The following SRC variants were observed in gnomAD, a reference collection of about 807,000 sequenced individuals.
SRC encodes the protein SRC proto-oncogene, non-receptor tyrosine kinase.
A neutral mutation model predicts 62.9 loss-of-function variants in SRC; 13 were observed. That is an observed-to-expected ratio of 0.21 (90% CI 0.13 to 0.33). The LOEUF (loss-of-function observed/expected upper bound fraction) is 0.33, where lower values mean the gene tolerates loss of function less well. Among genes scored for constraint, SRC ranks in the 10% least tolerant of loss-of-function variants. The probability of loss-of-function intolerance (pLI) is 1.00; values close to 1 mark genes in which losing one functional copy is unlikely to be tolerated. For synonymous variants in SRC, 302 were observed against 317.5 expected (o/e 0.95, Z 0.52); for missense variants, 457 against 737.3 (o/e 0.62, Z 4.40).
chr20:37,384,885 G>T lies in SRC; in HGVS notation c.250+482G>T, dbSNP rs2070427907. Among the ~76,000 whole-genome samples the T allele has an allele frequency of 6.6e-6, 1 of 152,200 alleles. No individual in the cohort carries two copies. Among genetic ancestry groups the T allele is most frequent in the South Asian group, 2.1e-4 (1 of 4,830 alleles). ...CTGCTGGCGCTCTGCGGTCACCGCA[G>T]CCCCGGAGAGGGCCGTTTTGGAGAG... On this transcript the variant is annotated intron_variant, in intron 4 of 13. Coordinates refer to ENST00000373578, the MANE Select transcript of SRC (RefSeq NM_198291.3). The surrounding 1 kb of genome is among the most constrained non-coding windows in gnomAD (Gnocchi z 6.7).
chr20:37,349,005 G>C (rs1268065749), intron 1 of SRC, among the ~76,000 whole-genome samples: 2 of 152,188 alleles, frequency 1.3e-5, no homozygotes, highest in African/African-American at 4.8e-5. Context: ...GAGGTAGAAT[G>C]AGGGGGTGTA....
At chr20:37,346,485 G>C (rs111597289) in intron 1 of SRC, among the ~76,000 whole-genome samples, 13 of 152,050 alleles carry the variant, frequency 8.5e-5, no homozygotes, top group Middle Eastern at 3.4e-3. Flanking sequence ...GGGCTGGGCG[G>C]GGGGGGCGCA....
Position 37,403,082 on chromosome 20 carries a change from C to T in SRC, c.1403-89C>T. On this transcript the variant is annotated intron_variant, in intron 13 of 13. Coordinates refer to ENST00000373578, the MANE Select transcript of SRC (RefSeq NM_198291.3). This position sits in a 1 kb window ranked among gnomAD's most constrained non-coding sequence, Gnocchi z 7.1. ...ATGGTCACTCCCAACCTGTCCTAGG[C>T]AGGAAGCCCTCGCTGCCCTCCCCAT... is the stretch of plus-strand genomic sequence containing the variant. 1 of 1,395,404 alleles carries T rather than the reference C, an allele frequency of 7.2e-7. No individual in the cohort carries two copies. The highest frequency in any genetic ancestry group is 9.6e-7 in the Non-Finnish European group (1 of 1,042,404). The allele number at this position is 1,395,404 out of a possible 1,614,324, so 86.4% of individuals were successfully genotyped here. A position where few individuals can be genotyped will look rare whatever the true frequency, so the allele number is the denominator to read the frequency against.
intron 2 of SRC, among the ~76,000 whole-genome samples, chr20:37,368,749 C>T (rs917045303): frequency 3.3e-5 from 5 of 151,510 alleles, no homozygotes; most frequent in Admixed American, 3.3e-4. Context: ...GACGGGGTTT[C>T]ACCGTTTTAG....
At chr20:37,392,114 C>T (rs1332330058) in intron 5 of SRC, among the ~76,000 whole-genome samples, 5 of 152,066 alleles carry the variant, frequency 3.3e-5, no homozygotes, top group Admixed American at 6.5e-5. Flanking sequence ...TCCTTACTCC[C>T]GGGCCCTCCC....
rs544237425 is a variant in SRC at position 37,386,522 on chromosome 20, C to T, written c.350+348C>T. 3.1e-4 allele frequency: 144 copies of T among 458,716 alleles called. 2 individuals are homozygous for T. The highest frequency in any genetic ancestry group is 2.3e-3 in the Middle Eastern group (7 of 2,992). 28.4% of individuals were successfully genotyped at this position (458,716 alleles called of 1,614,324 possible). Reference sequence around the variant, plus strand: ...GCGGCGGGCTGGGCGGGGTGCTTCGCGGGGGGTGGGGGCTGCTGTCTGCAT... The same window carrying T: ...GCGGCGGGCTGGGCGGGGTGCTTCGTGGGGGGTGGGGGCTGCTGTCTGCAT... On this transcript the variant is annotated intron_variant, in intron 5 of 13. Transcript: ENST00000373578.
intron 1 of SRC, among the ~76,000 whole-genome samples, chr20:37,350,819 G>C (rs372148730): frequency 2.0e-4 from 30 of 152,214 alleles, no homozygotes; most frequent in African/African-American, 6.5e-4. Flanking sequence ...GCTCAGTGTT[G>C]GCTTCATGGG....
chr20:37,388,870 GT>G (rs907012279), intron 5 of SRC, among the ~76,000 whole-genome samples: 1 of 152,128 alleles, frequency 6.6e-6, no homozygotes, highest in Non-Finnish European at 1.5e-5. Context: ...AGGTGTTTGA[GT>G]CTCACACCTC....
chr20:37,383,713 CT>C (rs1168658052), intron 3 of SRC: 2 of 168,068 alleles, frequency 1.2e-5, no homozygotes, highest in African/African-American at 4.8e-5. Flanking sequence ...GCTGGTGCCC[CT>C]GTCCCCCATT....
At chr20:37,359,291 G>C (rs1261917024) in intron 1 of SRC, among the ~76,000 whole-genome samples, 1 of 152,272 alleles carries the variant, frequency 6.6e-6, no homozygotes, top group Admixed American at 6.5e-5. Context: ...TAGAGCTGCA[G>C]ATAGCAAGGA....
chr20:37,384,248 T>G lies in SRC; in HGVS notation c.95T>G (p.Phe32Cys). 2 of 1,563,426 alleles carry G rather than the reference T, an allele frequency of 1.3e-6. No homozygotes were observed. The highest frequency in any genetic ancestry group is 1.7e-6 in the Non-Finnish European group (2 of 1,163,714). Residue 32 changes from phenylalanine (F) to cysteine (C), a missense_variant, in exon 4 of 14, where the codon TTC (phenylalanine) becomes TGC (cysteine). Phe to Cys is a radical substitution (Grantham distance 205, BLOSUM62 -2). Coordinates refer to ENST00000373578, the MANE Select transcript of SRC (RefSeq NM_198291.3). The surrounding 1 kb of genome is among the most constrained non-coding windows in gnomAD (Gnocchi z 6.7). ...GTGCACGGCGCTGGCGGGGGCGCTTTCCCCGCCTCGCAGACCCCCAGCAAG... is the reference window on the plus strand; with the variant it reads ...GTGCACGGCGCTGGCGGGGGCGCTTGCCCCGCCTCGCAGACCCCCAGCAAG... ...ENVHGAGGGA[F>C]PASQTPSKPA...
chr20:37,394,084 G>C (rs1454136010), intron 6 of SRC, 90 bp from the exon 7 acceptor site: 1 of 1,559,146 alleles, frequency 6.4e-7, no homozygotes, highest in Admixed American at 1.7e-5. Flanking sequence ...AGGTCTGGCT[G>C]TCCAGCGCCC....
At chr20:37,399,950 C>T (rs755742827) in intron 9 of SRC, among the ~76,000 whole-genome samples, 165 bp from the exon 10 acceptor site, 11 of 152,226 alleles carry the variant, frequency 7.2e-5, no homozygotes, top group Non-Finnish European at 1.6e-4. Flanking sequence ...ACCCATTGTA[C>T]AGATGGGGAG....
intron 2 of SRC, among the ~76,000 whole-genome samples, chr20:37,377,342 T>C (rs2070293255): frequency 6.6e-6 from 1 of 152,128 alleles, no homozygotes; most frequent in African/African-American, 2.4e-5. Context: ...CACAAGAAAA[T>C]GTAGCTACTA....
Position 37,379,942 on chromosome 20 carries a change from TAA to T in SRC, c.-172-2653_-172-2652del, listed in dbSNP as rs57772720. Among the ~76,000 whole-genome samples the T allele has an allele frequency of 7.7e-3, 397 of 51,330 alleles. 7 individuals carry two copies. Among genetic ancestry groups the T allele is most frequent in the African/African-American group, 0.023 (379 of 16,650 alleles). 33.7% of individuals were successfully genotyped at this position (51,330 alleles called of 152,430 possible). The stretch of plus-strand genomic sequence containing the variant: ...AGAAAAAGAACGAGAGAGCTTGGAG[TAA>T]AAAAAAAAAAAAAAAAAAAAAAAGG... On this transcript the variant is annotated intron_variant, in intron 2 of 13. Coordinates refer to ENST00000373578, the MANE Select transcript of SRC (RefSeq NM_198291.3).
In SRC at chr20:37,386,523, G is replaced by C. The variant is rs186384945; in HGVS notation, c.350+349G>C. 3.9e-4 allele frequency: 276 copies of C among 708,674 alleles called. 1 individual carries two copies. In the Middle Eastern group the frequency reaches 4.6e-3, roughly 12 times the overall value. The allele number at this position is 708,674 out of a possible 1,614,324, so 43.9% of individuals were successfully genotyped here. On this transcript the variant is annotated intron_variant, in intron 5 of 13. Transcript: ENST00000373578. ...CGGCGGGCTGGGCGGGGTGCTTCGC[G>C]GGGGGTGGGGGCTGCTGTCTGCATG...
intron 1 of SRC, among the ~76,000 whole-genome samples, chr20:37,350,026 T>A (rs1177427517): frequency 6.6e-6 from 1 of 152,204 alleles, no homozygotes; most frequent in East Asian, 1.9e-4. Context: ...GCAGAGCCAC[T>A]GAAAAAGGCC....
At chr20:37,363,003 C>T (rs2069999757) in intron 1 of SRC, among the ~76,000 whole-genome samples, 1 of 152,230 alleles carries the variant, frequency 6.6e-6, no homozygotes, top group Non-Finnish European at 1.5e-5. Flanking sequence ...AGCCATCCCA[C>T]CTGCCTGGAT....
At chr20:37,346,588 G>C (rs2069724789) in intron 1 of SRC, among the ~76,000 whole-genome samples, 1 of 151,966 alleles carries the variant, frequency 6.6e-6, no homozygotes, top group African/African-American at 2.4e-5. Context: ...CCCCGGGCCA[G>C]GTCTAGGCCA....
Sources: gnomAD v4.1 joint callset for allele counts (sites outside exome capture counted in the v4.1 genomes callset) on GRCh38, gnomAD v4.1.1 for gene constraint, Gnocchi (gnomAD v3.1) non-coding constraint, MANE v1.5 for transcripts, NCBI Gene and HGNC (gene_info 2026-07-23, HGNC 2026-07-21) for gene names.